Variants in STK32C observed in about 807,000 individuals in gnomAD.
STK32C encodes the protein serine/threonine kinase 32C, also known as serine/threonine-protein kinase 32C.
STK32C carries 31 observed loss-of-function variants against 56.5 expected under a neutral mutation model. The ratio of observed to expected loss-of-function variants is 0.55; its 90% CI spans 0.41 to 0.74. The LOEUF (loss-of-function observed/expected upper bound fraction) is 0.74, where lower values mean the gene tolerates loss of function less well. Ranked by LOEUF, STK32C falls within the 30% of genes least tolerant of loss-of-function variation. The pLI, the probability that STK32C is intolerant of heterozygous loss-of-function variation, is 0.00. For synonymous variants in STK32C, 309 were observed against 289.4 expected (o/e 1.07, Z -0.69); for missense variants, 544 against 676.9 (o/e 0.80, Z 2.18).
intron 1 of STK32C, among the ~76,000 whole-genome samples, chr10:132,302,812 C>T (rs967392172): frequency 6.6e-6 from 1 of 152,196 alleles, no homozygotes; most frequent in Admixed American, 6.5e-5. Context: ...CTCGGCAGCC[C>T]CTGGGCTCAG....
intron 1 of STK32C, among the ~76,000 whole-genome samples, chr10:132,264,631 T>C (rs2064434238): frequency 6.6e-6 from 1 of 152,276 alleles, no homozygotes; most frequent in Admixed American, 6.5e-5. Flanking sequence ...CCTGAGGGGT[T>C]TGAGCTGATG....
intron 2 of STK32C, among the ~76,000 whole-genome samples, chr10:132,243,315 A>G (rs77436342): frequency 0.061 from 9,333 of 152,272 alleles, 366 homozygotes; most frequent in African/African-American, 0.11. Flanking sequence ...CAGACACCGC[A>G]GCCTCTGGAA....
intron 1 of STK32C, among the ~76,000 whole-genome samples, chr10:132,280,715 T>C (rs1374016959): frequency 6.7e-6 from 1 of 149,266 alleles, no homozygotes; most frequent in South Asian, 2.1e-4. Context: ...CTCCACTCCC[T>C]GATCACACCC....
intron 1 of STK32C, among the ~76,000 whole-genome samples, chr10:132,288,472 C>G (rs534316305): frequency 1.9e-3 from 289 of 152,348 alleles, no homozygotes; most frequent in Non-Finnish European, 3.4e-3. Flanking sequence ...CAGCCCAGAG[C>G]TGGACTTCCT....
chr10:132,300,791 G>C (rs2492643), intron 1 of STK32C, among the ~76,000 whole-genome samples: 1 of 152,092 alleles, frequency 6.6e-6, no homozygotes, highest in Non-Finnish European at 1.5e-5. Context: ...AGCCAGAGCC[G>C]AACAAGGCGG....
Position 132,262,773 on chromosome 10 carries a change from A to C in STK32C, c.263-16818T>G, listed in dbSNP as rs1049414447. Among the ~76,000 whole-genome samples, 328 of 150,792 alleles carry C rather than the reference A, an allele frequency of 2.2e-3. 2 individuals are homozygous for C. Among genetic ancestry groups the C allele is most frequent in the African/African-American group, 7.9e-3 (321 of 40,690 alleles). The stretch of plus-strand genomic sequence containing the variant: ...CATCTCAAAAAAAAAAAAAAAAAAA[A>C]CAGGTAAAATACATGAACAGACACT... On this transcript the variant is annotated intron_variant, in intron 1 of 11. Coordinates refer to ENST00000298630, the MANE Select transcript of STK32C (RefSeq NM_173575.4).
chr10:132,318,259 CTA>C (rs2066343583), intron 1 of STK32C, among the ~76,000 whole-genome samples: 1 of 149,536 alleles, frequency 6.7e-6, no homozygotes, highest in East Asian at 2.0e-4. Flanking sequence ...CAGAAGGAGA[CTA>C]TGTCTCAAAA....
intron 2 of STK32C, among the ~76,000 whole-genome samples, chr10:132,234,979 T>C (rs1175351890): frequency 1.3e-5 from 2 of 151,914 alleles, no homozygotes; most frequent in East Asian, 1.9e-4. Context: ...AGACACACGG[T>C]TGGGGAAGAA....
At position 132,226,966 on chromosome 10, in the gene STK32C, T is replaced by G; in HGVS notation, c.473A>C (p.Tyr158Ser). ...IEHVFLVNLWYSFQDEEDMFM... is the reference protein window; with the variant it reads ...IEHVFLVNLWSSFQDEEDMFM... ...CATGTCCTCCTCGTCCTGGAAGGAG[T>G]ACCTGTGGGCACCGATGGAAGGCCT... is the stretch of plus-strand genomic sequence containing the variant. The change falls in exon 4 of 12, where the codon TAC becomes TCC. Residue 158 changes from tyrosine (Y) to serine (S), a missense_variant and splice_region_variant. Tyr to Ser is a moderately radical substitution (Grantham distance 144). Transcript: ENST00000298630. 1 of 1,612,862 alleles carries G rather than the reference T, an allele frequency of 6.2e-7. No individual in the cohort carries two copies.
chr10:132,228,018 C>A lies in STK32C; in HGVS notation c.429G>T (p.Glu143Asp), dbSNP rs1468836633. 1 of 1,613,900 alleles carries A rather than the reference C, an allele frequency of 6.2e-7. No homozygotes were observed. Among genetic ancestry groups the A allele is most frequent in the Non-Finnish European group, 8.5e-7 (1 of 1,180,014 alleles). Residue 143 changes from glutamate (E) to aspartate (D), a missense_variant, in exon 3 of 12, where the codon GAG (glutamate) becomes GAT (aspartate). Physicochemically the swap from Glu to Asp is conservative, Grantham distance 45 (BLOSUM62 2). This residue lies in a region of STK32C where 182 missense variants were observed against 217.7 expected (regional missense o/e 0.84). Coordinates refer to ENST00000298630, the MANE Select transcript of STK32C (RefSeq NM_173575.4). ...DEVRNVFRELEILQEIEHVFL... is the reference protein window; with the variant it reads ...DEVRNVFRELDILQEIEHVFL... ...AGACGTGCTCGATCTCCTGCAGGATCTCCAGCTCCCGGAAGACGTTGCGGA... is the reference window on the plus strand; with the variant it reads ...AGACGTGCTCGATCTCCTGCAGGATATCCAGCTCCCGGAAGACGTTGCGGA...
chr10:132,329,153 G>C (rs538136957), intron 1 of STK32C, among the ~76,000 whole-genome samples: 28 of 152,364 alleles, frequency 1.8e-4, no homozygotes, highest in African/African-American at 6.7e-4. Flanking sequence ...AGTGGCTCAC[G>C]CCTATAATCC....
intron 1 of STK32C, among the ~76,000 whole-genome samples, chr10:132,327,016 G>A (rs2066512641): frequency 6.6e-6 from 1 of 152,166 alleles, no homozygotes; most frequent in Non-Finnish European, 1.5e-5. Context: ...TTCCTGTACT[G>A]GAAAATATTA....
rs1013602934 is a variant in STK32C, at chr10:132,225,576, G to A, written c.723C>T (p.Ile241=). ...ATGCCGTCGCCCGCTCCCCGTCCTT[G>A]ATGATGGTGGCAATGTTGAAGTCGG... The part of the protein sequence containing the change: ...HLTDFNIATI[I]KDGERATALA... The change falls in exon 6 of 12, where the codon ATC becomes ATT. Residue 241 remains isoleucine (I), a synonymous_variant. Coordinates refer to ENST00000298630, the MANE Select transcript of STK32C (RefSeq NM_173575.4). 1.2e-6 allele frequency: 2 copies of A among 1,613,886 alleles called. No individual in the cohort carries two copies. The highest frequency in any genetic ancestry group is 1.7e-6 in the Non-Finnish European group (2 of 1,179,948).
At chr10:132,233,361 C>T (rs577487529) in intron 2 of STK32C, among the ~76,000 whole-genome samples, 6 of 152,310 alleles carry the variant, frequency 3.9e-5, no homozygotes, top group South Asian at 2.1e-4. Context: ...GTTCTCTTGA[C>T]GTCCCTGAGA....
downstream of STK32C, among the ~76,000 whole-genome samples, chr10:132,323,072 C>G (rs543006974): frequency 2.3e-4 from 35 of 152,254 alleles, no homozygotes; most frequent in Non-Finnish European, 3.7e-4. This position sits in a 1 kb window ranked among gnomAD's most constrained non-coding sequence, Gnocchi z 4.8. Context: ...GACTCACCAC[C>G]CTTTCATTCT....
chr10:132,330,367 C>G, intron 1 of STK32C: 1 of 703,668 alleles, frequency 1.4e-6, no homozygotes, highest in Non-Finnish European at 2.7e-6. Context: ...GTGCTGAAAT[C>G]TTCCATCCCC....
intron 1 of STK32C, among the ~76,000 whole-genome samples, chr10:132,278,709 G>C (rs1002328296): frequency 6.8e-6 from 1 of 147,254 alleles, no homozygotes; most frequent in East Asian, 2.0e-4. Flanking sequence ...GCAGTGAGCC[G>C]AGATCGCGCC....
At chr10:132,308,611 C>T (rs888169694), upstream of STK32C, among the ~76,000 whole-genome samples, 2 of 151,974 alleles carry the variant, frequency 1.3e-5, no homozygotes, top group Admixed American at 6.5e-5. Flanking sequence ...CGCGCGCACA[C>T]GCGGGCGCCT....
At chr10:132,295,661 G>A (rs770955819) in intron 1 of STK32C, among the ~76,000 whole-genome samples, 9 of 152,168 alleles carry the variant, frequency 5.9e-5, no homozygotes, top group Non-Finnish European at 7.3e-5. Flanking sequence ...CGAGGAGGGC[G>A]GATCACGAGG....
Sources: allele counts gnomAD v4.1 joint callset (sites outside exome capture counted in the v4.1 genomes callset), GRCh38; gene constraint gnomAD v4.1.1; regional missense constraint gnomAD v4.1.1; non-coding constraint Gnocchi (gnomAD v3.1); transcripts MANE v1.5; gene names NCBI Gene and HGNC (gene_info 2026-07-23, HGNC 2026-07-21).